Variants in GUCY1A2 observed in about 807,000 individuals in gnomAD.
The protein encoded by GUCY1A2 is guanylate cyclase soluble subunit alpha-2.
In GUCY1A2, 27 loss-of-function variants were observed where a neutral mutation model predicts 63.5. That is an observed-to-expected ratio of 0.43 (90% CI 0.31 to 0.59). The LOEUF is 0.59. Ranked by LOEUF, GUCY1A2 falls within the 20% of genes least tolerant of loss-of-function variation. The pLI, the probability that GUCY1A2 is intolerant of heterozygous loss-of-function variation, is 0.11. For missense variants in GUCY1A2, 768 were observed against 913.3 expected (o/e 0.84, Z 2.05); for synonymous variants, 364 against 343.5 (o/e 1.06, Z -0.66).
At chr11:106,709,475 T>G (rs1192991045) in intron 6 of GUCY1A2, among the ~76,000 whole-genome samples, 1 of 80,542 alleles carries the variant, frequency 1.2e-5, no homozygotes, top group African/African-American at 5.8e-5. Context: ...ATAATATATA[T>G]TATTATATAT....
chr11:106,751,511 C>T (rs1452727131), intron 6 of GUCY1A2, among the ~76,000 whole-genome samples: 1 of 150,828 alleles, frequency 6.6e-6, no homozygotes, highest in African/African-American at 2.4e-5. Context: ...ACCAGGTTTT[C>T]AATGTGTCTG....
At chr11:106,924,277 C>T (rs2119915226) in intron 4 of GUCY1A2, among the ~76,000 whole-genome samples, 1 of 152,306 alleles carries the variant, frequency 6.6e-6, no homozygotes, top group Non-Finnish European at 1.5e-5. Context: ...CAAGCTCACA[C>T]TGATTATAGT....
chr11:106,782,064 A>G (rs538808217), intron 5 of GUCY1A2, among the ~76,000 whole-genome samples: 23 of 152,296 alleles, frequency 1.5e-4, no homozygotes, highest in Non-Finnish European at 2.9e-4. Context: ...TGAGGATAAG[A>G]TTAGCCAAAA....
chr11:106,782,968 T>G lies in GUCY1A2; in HGVS notation c.1693-6386A>C, dbSNP rs114632153. Among the ~76,000 whole-genome samples, 833 of 152,228 alleles carry G rather than the reference T, an allele frequency of 5.5e-3. 14 individuals are homozygous for G. The highest frequency in any genetic ancestry group is 0.019 in the African/African-American group (780 of 41,540). Reference sequence around the variant, plus strand: ...GCTGAAGTGAACTCTTAACCAAAGATGAAAATCTACGTGATTGTGGTCAAG... The same window carrying G: ...GCTGAAGTGAACTCTTAACCAAAGAGGAAAATCTACGTGATTGTGGTCAAG... On this transcript the variant is annotated intron_variant, in intron 5 of 7. Transcript: ENST00000526355.
intron 4 of GUCY1A2, among the ~76,000 whole-genome samples, chr11:106,873,723 G>A (rs964037276): frequency 2.0e-5 from 3 of 152,038 alleles, no homozygotes; most frequent in East Asian, 1.9e-4. Context: ...TAGGTTGCCC[G>A]TTCACTCTGA....
intron 6 of GUCY1A2, among the ~76,000 whole-genome samples, chr11:106,730,927 GTC>G (rs1334490317): frequency 6.6e-6 from 1 of 152,066 alleles, no homozygotes; most frequent in Non-Finnish European, 1.5e-5. Context: ...TTTGAAAAGT[GTC>G]TGTTTGTGTC....
chr11:106,847,952 A>G (rs932563329), intron 4 of GUCY1A2, among the ~76,000 whole-genome samples: 1 of 151,696 alleles, frequency 6.6e-6, no homozygotes, highest in African/African-American at 2.4e-5. Context: ...AAGGACCAGA[A>G]AAGCAGCCAC....
intron 4 of GUCY1A2, among the ~76,000 whole-genome samples, chr11:106,833,204 T>G (rs1859073830): frequency 6.6e-6 from 1 of 152,110 alleles, no homozygotes; most frequent in Admixed American, 6.6e-5. Context: ...GGCCTCATTG[T>G]AACTTGATTA....
intron 5 of GUCY1A2, among the ~76,000 whole-genome samples, chr11:106,784,948 T>G (rs928351112): frequency 2.6e-5 from 4 of 152,174 alleles, no homozygotes; most frequent in Non-Finnish European, 4.4e-5. Context: ...TATGAAGAAC[T>G]GAAAGTCCTC....
chr11:106,959,727 G>T (rs979500971), intron 3 of GUCY1A2, among the ~76,000 whole-genome samples: 1 of 152,250 alleles, frequency 6.6e-6, no homozygotes, highest in African/African-American at 2.4e-5. Flanking sequence ...GACCTCTGTT[G>T]TGATGGCTTC....
chr11:106,779,726 T>C (rs887815901), intron 5 of GUCY1A2, among the ~76,000 whole-genome samples: 7 of 152,224 alleles, frequency 4.6e-5, no homozygotes, highest in Admixed American at 6.5e-5. Context: ...TGGAGATTAG[T>C]TAGTTATATG....
intron 3 of GUCY1A2, among the ~76,000 whole-genome samples, chr11:106,972,400 A>G (rs1285729394): frequency 1.3e-5 from 2 of 152,070 alleles, no homozygotes; most frequent in Non-Finnish European, 1.5e-5. Context: ...AAAAATAAAC[A>G]CCAACCTACT....
chr11:106,908,770 A>G (rs1285408437), intron 4 of GUCY1A2, among the ~76,000 whole-genome samples: 1 of 152,080 alleles, frequency 6.6e-6, no homozygotes, highest in Non-Finnish European at 1.5e-5. Flanking sequence ...TTTAGGCACT[A>G]AATCAACCAG....
intron 4 of GUCY1A2, among the ~76,000 whole-genome samples, chr11:106,925,088 T>C (rs1041410281): frequency 5.3e-5 from 8 of 152,212 alleles, no homozygotes; most frequent in Middle Eastern, 3.4e-3. Flanking sequence ...GAAGAAACTA[T>C]TATGCTTATC....
intron 6 of GUCY1A2, among the ~76,000 whole-genome samples, chr11:106,731,772 C>A (rs1863510244): frequency 6.6e-6 from 1 of 152,014 alleles, no homozygotes; most frequent in Non-Finnish European, 1.5e-5. Context: ...ATCAAGAATG[C>A]AGTCCCATTC....
intron 6 of GUCY1A2, among the ~76,000 whole-genome samples, chr11:106,729,403 A>T (rs779883675): frequency 1.2e-4 from 18 of 151,956 alleles, no homozygotes; most frequent in East Asian, 5.8e-4. Flanking sequence ...GTTTTTTTTT[A>T]AATTTCTGTG....
chr11:106,801,710 A>G (rs1482417726), intron 5 of GUCY1A2, among the ~76,000 whole-genome samples: 2 of 152,166 alleles, frequency 1.3e-5, no homozygotes, highest in Non-Finnish European at 2.9e-5. Context: ...GTACATTTTA[A>G]AAGGGTCTAA....
At chr11:106,700,071 C>G (rs1285414425) in intron 7 of GUCY1A2, among the ~76,000 whole-genome samples, 1 of 152,172 alleles carries the variant, frequency 6.6e-6, no homozygotes, top group Admixed American at 6.5e-5. Context: ...AATTTCCAGA[C>G]ATACTCTTCA....
intron 6 of GUCY1A2, among the ~76,000 whole-genome samples, chr11:106,764,275 AT>A (rs1320306429): frequency 6.6e-6 from 1 of 152,068 alleles, no homozygotes; most frequent in South Asian, 2.1e-4. Flanking sequence ...AATAGCAATA[AT>A]TTTTTAAGGA....
Sources: allele counts gnomAD v4.1 joint callset (sites outside exome capture counted in the v4.1 genomes callset), GRCh38; gene constraint gnomAD v4.1.1; transcripts MANE v1.5; gene names NCBI Gene and HGNC (gene_info 2026-07-23, HGNC 2026-07-21).